SGCZ: variants seen among roughly 807,000 people sequenced by gnomAD.
SGCZ encodes zeta-sarcoglycan.
In SGCZ, 40 loss-of-function variants were observed where a neutral mutation model predicts 41.3. The observed-to-expected ratio is 0.97, with a 90% CI of 0.75 to 1.26. The LOEUF (loss-of-function observed/expected upper bound fraction) is 1.26, where lower values mean the gene tolerates loss of function less well. Among genes scored for constraint, SGCZ ranks in the 50% most tolerant of loss-of-function variants. The pLI, the probability that SGCZ is intolerant of heterozygous loss-of-function variation, is 0.00. For synonymous variants in SGCZ, 206 were observed against 137.5 expected (o/e 1.50, Z -3.49); for missense variants, 552 against 369.8 (o/e 1.49, Z -4.04).
chr8:14,249,429 A>C lies in SGCZ; in HGVS notation c.337-11750T>G, dbSNP rs73515290. 1.9e-3 allele frequency among the ~76,000 whole-genome samples: 287 copies of C among 152,202 alleles called. 2 individuals are homozygous for C. The highest frequency in any genetic ancestry group is 6.5e-3 in the African/African-American group (270 of 41,544). ...TTCTTTATAATAAATCTCTTTATTT[A>C]TTGGTCTGTTTCTCTAGAGAACCCA... On this transcript the variant is annotated intron_variant, in intron 3 of 7. Transcript: ENST00000382080.
intron 1 of SGCZ, among the ~76,000 whole-genome samples, chr8:15,188,775 G>A (rs1800431425): frequency 6.6e-6 from 1 of 151,894 alleles, no homozygotes; most frequent in South Asian, 2.1e-4. Flanking sequence ...CTTCCTTTAA[G>A]ACATCCATTG....
intron 1 of SGCZ, among the ~76,000 whole-genome samples, chr8:14,830,834 T>G (rs1313140361): frequency 6.6e-6 from 1 of 152,292 alleles, no homozygotes. Context: ...AACGAAAACA[T>G]GTTTTCTCAT....
rs6984542 is a variant in SGCZ at position 14,635,143 on chromosome 8, A to G, written c.40-80217T>C. Among the ~76,000 whole-genome samples, 323 of 151,972 alleles carry G rather than the reference A, an allele frequency of 2.1e-3. 1 individual carries two copies. Among genetic ancestry groups the G allele is most frequent in the Middle Eastern group, 6.8e-3 (2 of 294 alleles). ...TAACATCAAACTTTTCATTCAAGCT[A>G]TTCATTCGCAGCTGTCAGTAAATTT... On this transcript the variant is annotated intron_variant, in intron 1 of 7. Transcript: ENST00000382080.
intron 4 of SGCZ, among the ~76,000 whole-genome samples, chr8:14,209,718 G>T (rs1460326063): frequency 6.6e-6 from 1 of 151,994 alleles, no homozygotes; most frequent in Non-Finnish European, 1.5e-5. Context: ...CATATTTATA[G>T]AAAAAACTGG....
At chr8:14,493,820 G>C (rs1047467860) in intron 2 of SGCZ, among the ~76,000 whole-genome samples, 1 of 151,962 alleles carries the variant, frequency 6.6e-6, no homozygotes, top group African/African-American at 2.4e-5. Context: ...TCCGTAGTGG[G>C]ATTATTTTAG....
chr8:14,778,947 G>A (rs944810458), intron 1 of SGCZ, among the ~76,000 whole-genome samples: 6 of 152,136 alleles, frequency 3.9e-5, no homozygotes, highest in East Asian at 1.9e-4. Flanking sequence ...CACACTCCAT[G>A]ACCTAGCATC....
At chr8:14,830,426 T>G (rs1356926568) in intron 1 of SGCZ, among the ~76,000 whole-genome samples, 2 of 152,234 alleles carry the variant, frequency 1.3e-5, no homozygotes, top group East Asian at 3.8e-4. Context: ...TATTACAGTT[T>G]AAAGAGTCTG....
chr8:14,692,234 A>G (rs1162651547), intron 1 of SGCZ, among the ~76,000 whole-genome samples: 4 of 152,090 alleles, frequency 2.6e-5, no homozygotes, highest in Non-Finnish European at 4.4e-5. Context: ...AATCATTAAG[A>G]TTAATGATAT....
intron 1 of SGCZ, among the ~76,000 whole-genome samples, chr8:14,954,251 A>G (rs1800728682): frequency 6.6e-6 from 1 of 152,168 alleles, no homozygotes; most frequent in African/African-American, 2.4e-5. Context: ...CAATACTACT[A>G]GGTATACATG....
At chr8:14,380,465 CTG>C (rs1401940294) in intron 2 of SGCZ, among the ~76,000 whole-genome samples, 1 of 152,182 alleles carries the variant, frequency 6.6e-6, no homozygotes, top group East Asian at 1.9e-4. Context: ...TGGCTAGTGA[CTG>C]TTCTAAATTC....
chr8:14,414,623 C>T (rs114551152), intron 2 of SGCZ, among the ~76,000 whole-genome samples: 20 of 151,910 alleles, frequency 1.3e-4, no homozygotes, highest in African/African-American at 4.1e-4. Flanking sequence ...TGTGATATGT[C>T]ACCTCCAACC....
chr8:15,063,954 G>C (rs985630725), intron 1 of SGCZ, among the ~76,000 whole-genome samples: 1 of 152,040 alleles, frequency 6.6e-6, no homozygotes, highest in Non-Finnish European at 1.5e-5. Flanking sequence ...ACACAAAAAT[G>C]GTTATCTTAT....
chr8:14,985,790 G>T (rs1801809160), intron 1 of SGCZ, among the ~76,000 whole-genome samples: 1 of 152,188 alleles, frequency 6.6e-6, no homozygotes, highest in Non-Finnish European at 1.5e-5. Context: ...TGAACATCTA[G>T]ACTTACTCAT....
At chr8:14,608,317 A>C (rs1159022234) in intron 1 of SGCZ, among the ~76,000 whole-genome samples, 2 of 150,404 alleles carry the variant, frequency 1.3e-5, no homozygotes, top group Non-Finnish European at 3.0e-5. Context: ...GAATTACTTG[A>C]GGCTGGGTAA....
At chr8:14,566,883 G>C (rs1585085931) in intron 1 of SGCZ, among the ~76,000 whole-genome samples, 1 of 152,320 alleles carries the variant, frequency 6.6e-6, no homozygotes, top group East Asian at 1.9e-4. Context: ...GCGAGTTCCA[G>C]GTGGGCGGCT....
intron 1 of SGCZ, among the ~76,000 whole-genome samples, chr8:14,702,677 G>A (rs1809175896): frequency 6.6e-6 from 1 of 151,612 alleles, no homozygotes; most frequent in African/African-American, 2.4e-5. Flanking sequence ...TGGGGTCACT[G>A]ATGACTTTCT....
In SGCZ at chr8:15,222,766, T is replaced by C. The variant is rs1801645734; in HGVS notation, c.39+14819A>G. Among the ~76,000 whole-genome samples, 3 of 152,192 alleles carry C rather than the reference T, an allele frequency of 2.0e-5. No individual in the cohort carries two copies. The South Asian group carries it at 6.2e-4, about 32-fold the overall frequency. On this transcript the variant is annotated intron_variant, in intron 1 of 7. Transcript: ENST00000382080. The stretch of plus-strand genomic sequence containing the variant: ...CAAGCTTAAACACAGAGTGTGTGTG[T>C]GTGTCTGTGTGTGTGTGTATGCGTG...
Position 14,218,638 on chromosome 8 carries a change from T to A in SGCZ, c.424+18954A>T, listed in dbSNP as rs561149315. 4.6e-5 allele frequency among the ~76,000 whole-genome samples: 7 copies of A among 152,370 alleles called. No homozygotes were observed. The East Asian group carries it at 1.3e-3, about 29-fold the overall frequency. On this transcript the variant is annotated intron_variant, in intron 4 of 7. Coordinates refer to ENST00000382080, the MANE Select transcript of SGCZ (RefSeq NM_139167.4). Reference sequence around the variant, plus strand: ...TGTGCATTTCTCACTTTATTTTTTCTTGCTAATGACTTGTTACTTGCTGTT... The same window carrying A: ...TGTGCATTTCTCACTTTATTTTTTCATGCTAATGACTTGTTACTTGCTGTT...
Position 14,409,790 on chromosome 8 carries a change from T to C in SGCZ, c.235-85586A>G, listed in dbSNP as rs535884192. On this transcript the variant is annotated intron_variant, in intron 2 of 7. Coordinates refer to ENST00000382080, the MANE Select transcript of SGCZ (RefSeq NM_139167.4). ...TATATAGCAACACATACTTGGAAAG[T>C]AGATTACCAGTTTGAAAATATTGCT... Among the ~76,000 whole-genome samples, 8 of 152,298 alleles carry C rather than the reference T, an allele frequency of 5.3e-5. No homozygotes were observed. In the South Asian group the frequency reaches 1.4e-3, roughly 28 times the overall value.
Sources: gnomAD v4.1 joint callset for allele counts (sites outside exome capture counted in the v4.1 genomes callset) on GRCh38, gnomAD v4.1.1 for gene constraint, MANE v1.5 for transcripts, NCBI Gene and HGNC (gene_info 2026-07-23, HGNC 2026-07-21) for gene names.